ZCCHC7: variants seen among roughly 807,000 people sequenced by gnomAD.
The protein encoded by ZCCHC7 is zinc finger CCHC-type containing 7.
Under a neutral mutation model 52.0 loss-of-function variants are expected in ZCCHC7, and 35 were observed. That is an observed-to-expected ratio of 0.67 (90% CI 0.51 to 0.89). The LOEUF (loss-of-function observed/expected upper bound fraction) is 0.89, where lower values mean the gene tolerates loss of function less well. Ranked by LOEUF, ZCCHC7 falls within the 40% of genes least tolerant of loss-of-function variation. The pLI, the probability that ZCCHC7 is intolerant of heterozygous loss-of-function variation, is 0.00. For synonymous variants in ZCCHC7, 217 were observed against 221.5 expected (o/e 0.98, Z 0.18); for missense variants, 574 against 649.1 (o/e 0.88, Z 1.26).
intron 1 of ZCCHC7, among the ~76,000 whole-genome samples, chr9:37,121,342 G>A (rs1203583349): frequency 1.3e-5 from 2 of 152,156 alleles, no homozygotes; most frequent in African/African-American, 4.8e-5. Context: ...GTTGAATTAC[G>A]GGCTGCATTA....
intron 3 of ZCCHC7, 26 bp downstream of exon 3, chr9:37,302,257 C>G (rs1401957809): frequency 4.5e-6 from 7 of 1,562,662 alleles, no homozygotes; most frequent in Non-Finnish European, 6.2e-6. Context: ...TTTTAAAATT[C>G]AGAATAATAA....
At chr9:37,191,685 G>T (rs1823028384) in intron 2 of ZCCHC7, among the ~76,000 whole-genome samples, 1 of 152,162 alleles carries the variant, frequency 6.6e-6, no homozygotes, top group African/African-American at 2.4e-5. Context: ...CTAAAGGTAA[G>T]GTTCAGGCTG....
At chr9:37,243,802 G>C (rs1274289906) in intron 2 of ZCCHC7, among the ~76,000 whole-genome samples, 1 of 151,848 alleles carries the variant, frequency 6.6e-6, no homozygotes, top group Non-Finnish European at 1.5e-5. Flanking sequence ...GCAAAATGTT[G>C]ATCAAAGTTC....
intron 5 of ZCCHC7, among the ~76,000 whole-genome samples, chr9:37,314,909 A>G (rs879796267): frequency 7.2e-5 from 11 of 152,168 alleles, no homozygotes; most frequent in Non-Finnish European, 1.5e-4. Context: ...TCTGTTTGCC[A>G]GCATACTAAT....
At chr9:37,227,028 CAA>C (rs895936555) in intron 2 of ZCCHC7, among the ~76,000 whole-genome samples, 3 of 92,630 alleles carry the variant, frequency 3.2e-5, no homozygotes, top group Non-Finnish European at 4.7e-5. Flanking sequence ...GACTCCGTCT[CAA>C]AAAAAAAAAA....
chr9:37,173,904 A>C (rs1441207439), intron 2 of ZCCHC7, among the ~76,000 whole-genome samples: 2 of 152,168 alleles, frequency 1.3e-5, no homozygotes, highest in African/African-American at 4.8e-5. Flanking sequence ...TGATTTGTGG[A>C]ATTATACCTC....
At chr9:37,296,033 G>A (rs970423412) in intron 2 of ZCCHC7, among the ~76,000 whole-genome samples, 2 of 152,060 alleles carry the variant, frequency 1.3e-5, no homozygotes, top group Non-Finnish European at 2.9e-5. Context: ...TTAGGTTGGT[G>A]CAAAAGTAGT....
At chr9:37,190,675 T>G (rs926020901) in intron 2 of ZCCHC7, among the ~76,000 whole-genome samples, 1 of 152,220 alleles carries the variant, frequency 6.6e-6, no homozygotes, top group Admixed American at 6.5e-5. Flanking sequence ...GTAACTCTAA[T>G]GTATGGGTTT....
chr9:37,182,358 CT>C (rs397940538), intron 2 of ZCCHC7, among the ~76,000 whole-genome samples: 47 of 137,070 alleles, frequency 3.4e-4, no homozygotes, highest in Admixed American at 2.9e-4. Flanking sequence ...TTCTTTTTTT[CT>C]TTTTTTTTTT....
intron 2 of ZCCHC7, among the ~76,000 whole-genome samples, chr9:37,227,754 T>A (rs926058025): frequency 2.6e-5 from 4 of 152,232 alleles, no homozygotes; most frequent in Non-Finnish European, 5.9e-5. Context: ...AAATTACTGA[T>A]GCATTCCACA....
chr9:37,258,137 C>T (rs1182932655), intron 2 of ZCCHC7, among the ~76,000 whole-genome samples: 1 of 152,090 alleles, frequency 6.6e-6, no homozygotes, highest in Non-Finnish European at 1.5e-5. Context: ...TCTCATCATA[C>T]CCCCCTTGAG....
chr9:37,308,680 G>A (rs888880509), intron 5 of ZCCHC7, among the ~76,000 whole-genome samples: 1 of 151,898 alleles, frequency 6.6e-6, no homozygotes, highest in African/African-American at 2.4e-5. Context: ...AATGCAGGAG[G>A]ATCTCTTAAT....
chr9:37,144,910 C>A (rs1451015994), intron 2 of ZCCHC7: 1 of 152,006 alleles, frequency 6.6e-6, no homozygotes, highest in South Asian at 2.1e-4. Flanking sequence ...CAAAGGAATT[C>A]TTTTAACTCC....
chr9:37,254,911 C>A (rs1040154978), intron 2 of ZCCHC7, among the ~76,000 whole-genome samples: 1 of 124,694 alleles, frequency 8.0e-6, no homozygotes, highest in Non-Finnish European at 1.6e-5. Flanking sequence ...ATATGGTATG[C>A]ATGTAAATTG....
At chr9:37,269,486 GT>G (rs1357337663) in intron 2 of ZCCHC7, among the ~76,000 whole-genome samples, 1 of 151,826 alleles carries the variant, frequency 6.6e-6, no homozygotes, top group African/African-American at 2.4e-5. Flanking sequence ...GAGTGTTGCA[GT>G]GCGTGCCTAT....
chr9:37,262,410 A>G (rs558926757), intron 2 of ZCCHC7, among the ~76,000 whole-genome samples: 14 of 152,320 alleles, frequency 9.2e-5, no homozygotes, highest in African/African-American at 1.7e-4. Flanking sequence ...TTACTTATCA[A>G]TAATTTTTCT....
At chr9:37,177,007 A>G (rs1044383906) in intron 2 of ZCCHC7, among the ~76,000 whole-genome samples, 3 of 152,182 alleles carry the variant, frequency 2.0e-5, no homozygotes, top group Non-Finnish European at 2.9e-5. Flanking sequence ...TGGGGCCAGG[A>G]CAACAGAAAG....
At chr9:37,131,020 T>TA (rs1842756867) in intron 2 of ZCCHC7, among the ~76,000 whole-genome samples, 1 of 143,386 alleles carries the variant, frequency 7.0e-6, no homozygotes, top group Non-Finnish European at 1.5e-5. Flanking sequence ...TCTCCCCTAT[T>TA]ACTTTAATTT....
At chr9:37,174,082 C>T (rs199824242) in intron 2 of ZCCHC7, among the ~76,000 whole-genome samples, 154 of 152,166 alleles carry the variant, frequency 1.0e-3, no homozygotes, top group African/African-American at 3.2e-3. Context: ...GAGGCTGAGG[C>T]GGGCAGATCA....
Sources: allele counts gnomAD v4.1 joint callset (sites outside exome capture counted in the v4.1 genomes callset), GRCh38; gene constraint gnomAD v4.1.1; transcripts MANE v1.5; gene names NCBI Gene and HGNC (gene_info 2026-07-23, HGNC 2026-07-21).